The following ATAD2B variants were observed in gnomAD, a reference collection of about 807,000 sequenced individuals.
The protein encoded by ATAD2B is ATPase family AAA domain-containing protein 2B.
A neutral mutation model predicts 167.6 loss-of-function variants in ATAD2B; 40 were observed. The observed-to-expected ratio is 0.24, with a 90% confidence interval of 0.19 to 0.31. The LOEUF (loss-of-function observed/expected upper bound fraction) is 0.31. Ranked by LOEUF, ATAD2B falls within the 10% of genes least tolerant of loss-of-function variation. The pLI is 1.00. For synonymous variants in ATAD2B, 579 were observed against 596.5 expected (o/e 0.97, Z 0.43); for missense variants, 1,242 against 1,757.2 (o/e 0.71, Z 5.24).
chr2:23,869,671 T>C lies in ATAD2B; in HGVS notation c.1068A>G (p.Ala356=). Residue 356 remains alanine (A), a synonymous_variant, in exon 9 of 28, where the codon GCA becomes GCG. Coordinates refer to ENST00000238789, the MANE Select transcript of ATAD2B (RefSeq NM_017552.4). ...TTACAAATTTTACTAACCTATTTCT[T>C]GCTCTTGCCATGCTCTTTGATTTCC... ...ERRKSKSMAR[A]RNRCLPMNFR... The C allele has an allele frequency of 1.9e-6, 3 of 1,560,094 alleles. No homozygotes were observed. The highest frequency in any genetic ancestry group is 2.6e-6 in the Non-Finnish European group (3 of 1,149,540).
At chr2:23,837,345 C>T (rs747996441) in intron 13 of ATAD2B, among the ~76,000 whole-genome samples, 2 of 152,190 alleles carry the variant, frequency 1.3e-5, no homozygotes, top group Non-Finnish European at 2.9e-5. Context: ...CCTTCCCAGG[C>T]CCCCCAGAGT....
At chr2:23,861,313 A>G (rs1431744771) in intron 12 of ATAD2B, among the ~76,000 whole-genome samples, 2 of 152,028 alleles carry the variant, frequency 1.3e-5, no homozygotes, top group African/African-American at 4.8e-5. Context: ...AAAGGCTACT[A>G]AAGATTAAAT....
At chr2:23,856,188 C>CGAA (rs1693377229) in intron 13 of ATAD2B, 1 of 73,354 alleles carries the variant, frequency 1.4e-5, no homozygotes, top group Non-Finnish European at 2.7e-5. Flanking sequence ...GACTCCATCT[C>CGAA]AAAAAAAAAA....
intron 22 of ATAD2B, among the ~76,000 whole-genome samples, chr2:23,776,384 T>C (rs1679134627): frequency 6.6e-6 from 1 of 152,210 alleles, no homozygotes; most frequent in Non-Finnish European, 1.5e-5. Context: ...CCAACCTCCA[T>C]CTTACAACTG....
At chr2:23,879,262 T>A (rs1410859445) in intron 7 of ATAD2B, among the ~76,000 whole-genome samples, 1 of 150,352 alleles carries the variant, frequency 6.7e-6, no homozygotes, top group African/African-American at 2.4e-5. Flanking sequence ...AATGAATGGA[T>A]AAACAAATTG....
chr2:23,686,887 G>A, the ATAD2B span, among the ~76,000 whole-genome samples: 304 of 152,296 alleles, frequency 2.0e-3, 1 homozygote, highest in African/African-American at 6.8e-3. Flanking sequence ...AAGTCGCCGT[G>A]TTCGTTTGCA....
intron 7 of ATAD2B, among the ~76,000 whole-genome samples, chr2:23,879,913 C>T (rs1209660147): frequency 6.6e-6 from 1 of 151,942 alleles, no homozygotes; most frequent in South Asian, 2.1e-4. Flanking sequence ...TAAAAATTAG[C>T]CAGATGTGGT....
chr2:23,684,980 C>G, the ATAD2B span, among the ~76,000 whole-genome samples: 1 of 152,208 alleles, frequency 6.6e-6, no homozygotes, highest in African/African-American at 2.4e-5. The surrounding 1 kb of genome is among the most constrained non-coding windows in gnomAD (Gnocchi z 4.4). Flanking sequence ...GCCAGGAAAG[C>G]GCATCGGCCA....
intron 13 of ATAD2B, among the ~76,000 whole-genome samples, chr2:23,838,831 C>T (rs1690423075): frequency 6.6e-6 from 1 of 152,102 alleles, no homozygotes; most frequent in African/African-American, 2.4e-5. Flanking sequence ...ATCTATTTGT[C>T]TAGTCTTCTG....
intron 25 of ATAD2B, 158 bp from the exon 26 acceptor site, chr2:23,754,932 AT>A: frequency 4.5e-6 from 3 of 668,266 alleles, no homozygotes; most frequent in Non-Finnish European, 6.9e-6. Context: ...AATGTGGTAG[AT>A]TTTTTATTGG....
intron 18 of ATAD2B, among the ~76,000 whole-genome samples, chr2:23,802,863 C>A (rs1372898087): frequency 6.6e-6 from 1 of 152,066 alleles, no homozygotes; most frequent in African/African-American, 2.4e-5. Flanking sequence ...ATAACAATTT[C>A]TTTCTGGGGA....
chr2:23,742,504 T>G, the ATAD2B span, among the ~76,000 whole-genome samples: 1 of 129,930 alleles, frequency 7.7e-6, no homozygotes, highest in South Asian at 2.4e-4. Context: ...AATTGAACAA[T>G]GATAACACAT....
At chr2:23,764,200 G>C (rs1298041770) in intron 23 of ATAD2B, among the ~76,000 whole-genome samples, 1 of 152,122 alleles carries the variant, frequency 6.6e-6, no homozygotes, top group African/African-American at 2.4e-5. Context: ...GGCTCCAACA[G>C]CTTTTAAACT....
the ATAD2B span, among the ~76,000 whole-genome samples, chr2:23,722,885 T>C: frequency 6.6e-6 from 1 of 152,202 alleles, no homozygotes; most frequent in Non-Finnish European, 1.5e-5. Flanking sequence ...GCAGATTTCT[T>C]AGAAGAAATC....
chr2:23,679,826 C>T, the ATAD2B span, among the ~76,000 whole-genome samples: 3 of 152,214 alleles, frequency 2.0e-5, no homozygotes, highest in East Asian at 5.8e-4. Flanking sequence ...AGGCCCAGGA[C>T]AAAATAACAC....
At chr2:23,913,965 C>CA (rs386389712) in intron 1 of ATAD2B, among the ~76,000 whole-genome samples, 219 of 151,176 alleles carry the variant, frequency 1.4e-3, no homozygotes, top group African/African-American at 5.1e-3. Context: ...GGACCCTGGT[C>CA]AAAAAAAACC....
intron 18 of ATAD2B, among the ~76,000 whole-genome samples, chr2:23,805,992 A>G (rs1397972200): frequency 6.6e-6 from 1 of 152,176 alleles, no homozygotes; most frequent in Non-Finnish European, 1.5e-5. Flanking sequence ...TGTTCTCAAC[A>G]TATCTGCTAC....
chr2:23,804,312 C>T (rs940117285), intron 18 of ATAD2B, among the ~76,000 whole-genome samples: 5 of 152,134 alleles, frequency 3.3e-5, no homozygotes, highest in African/African-American at 7.2e-5. Flanking sequence ...TTAGCCAAGA[C>T]ATCTGGTCTC....
chr2:23,769,968 G>T (rs990710460), intron 22 of ATAD2B, among the ~76,000 whole-genome samples: 1 of 151,640 alleles, frequency 6.6e-6, no homozygotes, highest in African/African-American at 2.4e-5. Context: ...ACAGGCGTGA[G>T]CAACTGTACC....
Sources: allele counts gnomAD v4.1 joint callset (sites outside exome capture counted in the v4.1 genomes callset), GRCh38; gene constraint gnomAD v4.1.1; non-coding constraint Gnocchi (gnomAD v3.1); transcripts MANE v1.5; gene names NCBI Gene and HGNC (gene_info 2026-07-23, HGNC 2026-07-21).